MAG: variants seen among roughly 807,000 people sequenced by gnomAD.
MAG encodes the protein myelin-associated glycoprotein.
MAG carries 30 observed loss-of-function variants against 60.7 expected under a neutral mutation model. That is an observed-to-expected ratio of 0.49 (90% CI 0.37 to 0.67). The LOEUF is 0.67. Ranked by LOEUF, MAG falls within the 30% of genes least tolerant of loss-of-function variation. MAG has a pLI of 0.00. For synonymous variants in MAG, 384 were observed against 376.8 expected, an observed-to-expected ratio of 1.02 and a Z score of -0.22; for missense variants, 795 against 851.7, an observed-to-expected ratio of 0.93 and a Z score of 0.83.
chr19:35,299,406 T>C, intron 4 of MAG, 148 bp from the exon 5 acceptor site: 1 of 602,908 alleles, frequency 1.7e-6, no homozygotes, highest in South Asian at 2.5e-5. Flanking sequence ...AAGGGAATTC[T>C]GAATCTGGAG....
chr19:35,301,062 G>A (rs1039609233), intron 6 of MAG, among the ~76,000 whole-genome samples: 1 of 151,522 alleles, frequency 6.6e-6, no homozygotes, highest in Non-Finnish European at 1.5e-5. Context: ...TAGAGACAGA[G>A]AATCGATATG....
chr19:35,296,425 C>T (rs1253479140), intron 4 of MAG, among the ~76,000 whole-genome samples: 1 of 152,176 alleles, frequency 6.6e-6, no homozygotes, highest in Non-Finnish European at 1.5e-5. Context: ...CACGTGGCCC[C>T]CAGCTCTGGC....
rs201021820 is a variant in MAG, at chr19:35,309,921, A to T, written c.1279A>T (p.Thr427Ser). The T allele has an allele frequency of 3.1e-6, 5 of 1,613,800 alleles. No individual in the cohort carries two copies. In the East Asian group the frequency reaches 1.1e-4, roughly 36 times the overall value. Residue 427 changes from threonine to serine, a missense_variant, in exon 8 of 11, where the codon ACG (threonine) becomes TCG (serine). By Grantham distance (58) the Thr-to-Ser change is moderately conservative. Coordinates refer to ENST00000392213, the MANE Select transcript of MAG (RefSeq NM_002361.4). ...LESHCAAARD[T>S]VQCLCVVKSN... ...GTCCCACTGCGCGGCAGCCCGAGAC[A>T]CGGTGCAGTGCCTGTGCGTGGTGAA...
At chr19:35,302,794 C>A in intron 7 of MAG, 86 bp downstream of exon 7, 1 of 1,526,604 alleles carries the variant, frequency 6.6e-7, no homozygotes, top group Non-Finnish European at 8.9e-7. Flanking sequence ...GCATCCCAAT[C>A]AGTATTGGCT....
At chr19:35,309,015 G>A (rs918698954) in intron 7 of MAG, among the ~76,000 whole-genome samples, 3 of 152,172 alleles carry the variant, frequency 2.0e-5, no homozygotes, top group Non-Finnish European at 2.9e-5. Context: ...GGTGAACCAC[G>A]GAGCAACAGA....
Position 35,311,343 on chromosome 19 carries a change from T to C in MAG, c.1617-575T>C, listed in dbSNP as rs546855850. The stretch of plus-strand genomic sequence containing the variant: ...TTAGCTACTAGTGGCACGTGCCTGT[T>C]GTCCCAGCTACTCGGGAGGCTGAGG... On this transcript the variant is annotated intron_variant, in intron 9 of 10. Coordinates refer to ENST00000392213, the MANE Select transcript of MAG (RefSeq NM_002361.4). Among the ~76,000 whole-genome samples, 172 of 152,022 alleles carry C rather than the reference T, an allele frequency of 1.1e-3. 2 individuals are homozygous for C. In the South Asian group the frequency reaches 0.017, roughly 15 times the overall value.
At chr19:35,311,886 CAG>C in intron 9 of MAG, 30 bp from the exon 10 acceptor site, 1 of 1,496,904 alleles carries the variant, frequency 6.7e-7, no homozygotes, top group Non-Finnish European at 9.3e-7. Context: ...AAAGGGAGGG[CAG>C]AGAGAGGTCT....
chr19:35,292,889 T>C (rs1378132146), intron 1 of MAG, among the ~76,000 whole-genome samples: 1 of 152,100 alleles, frequency 6.6e-6, no homozygotes, highest in Non-Finnish European at 1.5e-5. Flanking sequence ...CGTGAGCCAC[T>C]GCGCCCGGCC....
At position 35,313,600 on chromosome 19, in the gene MAG, C is replaced by A; in HGVS notation, c.*146C>A. On this transcript the variant is annotated 3_prime_UTR_variant, in exon 11 of 11. Coordinates refer to ENST00000392213, the MANE Select transcript of MAG (RefSeq NM_002361.4). ...TGACAGTGAGGTCCTGGGGGCCTGA[C>A]CTCCCCCTCCTTCCCAGCTGCCCCT... 2.8e-6 allele frequency: 2 copies of A among 721,426 alleles called. No individual in the cohort carries two copies. Among genetic ancestry groups the A allele is most frequent in the South Asian group, 1.9e-5 (1 of 51,620 alleles). The allele number at this position is 721,426 out of a possible 1,614,324, so 44.7% of individuals were successfully genotyped here.
At chr19:35,307,386 G>T (rs1267453356) in intron 7 of MAG, among the ~76,000 whole-genome samples, 1 of 152,222 alleles carries the variant, frequency 6.6e-6, no homozygotes, top group East Asian at 1.9e-4. Flanking sequence ...TCTTGCCTGT[G>T]TGTAAGTGGG....
chr19:35,302,437 C>T lies in MAG; in HGVS notation c.971-11C>T, dbSNP rs1228035579. 1 of 1,613,764 alleles carries T rather than the reference C, an allele frequency of 6.2e-7. No individual in the cohort carries two copies. Among genetic ancestry groups the T allele is most frequent in the African/African-American group, 1.3e-5 (1 of 74,902 alleles). On this transcript the variant is annotated splice_polypyrimidine_tract_variant and intron_variant, in intron 6 of 10. Transcript: ENST00000392213. ...CTGGGTTCTGACCATCAGTCCCGTC[C>T]TACCCCGCAGATGCACCCTGGAAGC...
intron 2 of MAG, 80 bp downstream of exon 2, chr19:35,294,370 T>A (rs1159996429): frequency 2.4e-6 from 1 of 411,850 alleles, no homozygotes; most frequent in Non-Finnish European, 4.7e-6. Flanking sequence ...GGTTCTTACT[T>A]TCTGGAGATC....
intron 6 of MAG, 40 bp downstream of exon 6, chr19:35,300,444 G>C (rs757733668): frequency 6.6e-7 from 1 of 1,521,454 alleles, no homozygotes; most frequent in Non-Finnish European, 8.8e-7. Flanking sequence ...CCCACCTGCA[G>C]CCGAGAGATA....
intron 4 of MAG, among the ~76,000 whole-genome samples, chr19:35,299,125 G>A (rs1295420273): frequency 2.0e-5 from 3 of 152,186 alleles, no homozygotes; most frequent in Non-Finnish European, 2.9e-5. Flanking sequence ...CATGGGAGAG[G>A]AGAGCCGCTT....
chr19:35,312,467 A>G (rs1173679217), intron 10 of MAG: 1 of 564,426 alleles, frequency 1.8e-6, no homozygotes, highest in African/African-American at 2.0e-5. Context: ...GGCCTTGTCT[A>G]GTCTGTCCTG....
intron 7 of MAG, among the ~76,000 whole-genome samples, chr19:35,305,344 G>T (rs1256333048): frequency 6.6e-6 from 1 of 152,224 alleles, no homozygotes; most frequent in East Asian, 1.9e-4. Context: ...GCCCTGAACG[G>T]CACGGGGCAT....
Position 35,293,387 on chromosome 19 carries a change from C to A in MAG, c.-79-848C>A, listed in dbSNP as rs144159710. On this transcript the variant is annotated intron_variant, in intron 1 of 10. Transcript: ENST00000392213. The surrounding 1 kb of genome is among the most constrained non-coding windows in gnomAD (Gnocchi z 4.0). ...GCCTTGGGAACTATGTGAGTGCCAG[C>A]CCATCCCTGTGGGCACAGGGGTCCC... is the stretch of plus-strand genomic sequence containing the variant. 7.6e-3 allele frequency among the ~76,000 whole-genome samples: 1,155 copies of A among 152,010 alleles called. 11 individuals are homozygous for A. Among genetic ancestry groups the A allele is most frequent in the Non-Finnish European group, 0.012 (799 of 67,946 alleles).
At position 35,300,195 on chromosome 19, in the gene MAG, G is replaced by A. The variant is rs759392207; in HGVS notation, c.761G>A (p.Gly254Asp). 1 of 1,569,420 alleles carries A rather than the reference G, an allele frequency of 6.4e-7. No individual in the cohort carries two copies. The highest frequency in any genetic ancestry group is 1.1e-5 in the South Asian group (1 of 88,224). ...AACTCCTCGGTGGAGGCCATCGAGGGCTCCCACGTGAGCCTGCTCTGTGGG... is the reference window on the plus strand; with the variant it reads ...AACTCCTCGGTGGAGGCCATCGAGGACTCCCACGTGAGCCTGCTCTGTGGG... Reference protein sequence around the residue: ...EMNSSVEAIEGSHVSLLCGAD... With the variant: ...EMNSSVEAIEDSHVSLLCGAD... Residue 254 changes from glycine (G) to aspartate (D), a missense_variant, in exon 6 of 11, where the codon GGC (glycine) becomes GAC (aspartate). By Grantham distance (94) the Gly-to-Asp change is moderately conservative. Transcript: ENST00000392213.
At chr19:35,299,052 CACACACACACAT>C (rs2066425832) in intron 4 of MAG, among the ~76,000 whole-genome samples, 1 of 151,472 alleles carries the variant, frequency 6.6e-6, no homozygotes, top group Non-Finnish European at 1.5e-5. Flanking sequence ...ACCACACACA[CACACACACACAT>C]ACCTACACAC....
Sources: allele counts gnomAD v4.1 joint callset (sites outside exome capture counted in the v4.1 genomes callset), GRCh38; gene constraint gnomAD v4.1.1; non-coding constraint Gnocchi (gnomAD v3.1); transcripts MANE v1.5; gene names NCBI Gene and HGNC (gene_info 2026-07-23, HGNC 2026-07-21).